The following ZMAT4 variants were observed in gnomAD, a reference collection of about 807,000 sequenced individuals.
ZMAT4 encodes zinc finger matrin-type protein 4.
ZMAT4 carries 17 observed loss-of-function variants against 28.7 expected under a neutral mutation model. The observed-to-expected ratio is 0.59, with a 90% CI of 0.41 to 0.89. ZMAT4 has a LOEUF of 0.89. ZMAT4 is among the 40% of genes least tolerant of loss of function. The pLI is 0.00. For missense variants in ZMAT4, 240 were observed against 283.8 expected (o/e 0.85, Z 1.11); for synonymous variants, 117 against 109.2 (o/e 1.07, Z -0.44).
intron 5 of ZMAT4, among the ~76,000 whole-genome samples, chr8:40,654,740 T>C (rs560758476): frequency 6.6e-6 from 1 of 152,284 alleles, no homozygotes; most frequent in East Asian, 1.9e-4. Context: ...AAAAGGCATT[T>C]GACACAGCAC....
At chr8:40,824,080 G>A (rs1183494747) in intron 2 of ZMAT4, among the ~76,000 whole-genome samples, 1 of 152,152 alleles carries the variant, frequency 6.6e-6, no homozygotes, top group Admixed American at 6.5e-5. Context: ...GTGCGTATGT[G>A]TGTGTGTTAT....
chr8:40,872,678 C>T (rs1031914601), intron 1 of ZMAT4, among the ~76,000 whole-genome samples: 13 of 152,018 alleles, frequency 8.6e-5, no homozygotes, highest in South Asian at 4.2e-4. Context: ...AGATAATGCC[C>T]GAAGTAAGCT....
chr8:40,886,767 T>A (rs572702010), intron 1 of ZMAT4, among the ~76,000 whole-genome samples: 7 of 152,284 alleles, frequency 4.6e-5, no homozygotes, highest in African/African-American at 1.7e-4. Context: ...TTTCTTGATG[T>A]CTCATAACTT....
intron 5 of ZMAT4, among the ~76,000 whole-genome samples, chr8:40,636,424 C>T (rs1015951286): frequency 1.4e-4 from 21 of 152,178 alleles, no homozygotes; most frequent in Admixed American, 2.0e-4. Context: ...TTAGCCAGTG[C>T]TCAATTTATT....
chr8:40,759,980 A>T (rs1586007635), intron 3 of ZMAT4, among the ~76,000 whole-genome samples: 1 of 152,186 alleles, frequency 6.6e-6, no homozygotes, highest in East Asian at 1.9e-4. Context: ...AAATCTGGAC[A>T]AAATGCCCAC....
intron 2 of ZMAT4, among the ~76,000 whole-genome samples, chr8:40,788,675 A>T (rs149781455): frequency 2.6e-5 from 4 of 152,076 alleles, no homozygotes; most frequent in African/African-American, 9.6e-5. Context: ...CCAATTGTAC[A>T]CCAACTCTTC....
intron 1 of ZMAT4, among the ~76,000 whole-genome samples, chr8:40,862,369 A>G (rs1817525362): frequency 7.4e-6 from 1 of 135,484 alleles, no homozygotes; most frequent in South Asian, 2.4e-4. Context: ...GAACTGAACA[A>G]TGAGATCACT....
intron 1 of ZMAT4, among the ~76,000 whole-genome samples, chr8:40,877,523 A>C (rs1586208638): frequency 6.6e-6 from 1 of 152,336 alleles, no homozygotes; most frequent in South Asian, 2.1e-4. Context: ...ATGCCTGGAC[A>C]TAGTACGTAC....
chr8:40,601,494 A>AAAGAAAGAAAGAAAGAAAGC lies in ZMAT4; in HGVS notation c.578-20234_578-20233insGCTTTCTTTCTTTCTTTCTT, dbSNP rs1220602089. 2.6e-4 allele frequency among the ~76,000 whole-genome samples: 21 copies of AAAGAAAGAAAGAAAGAAAGC among 82,224 alleles called. 1 individual carries two copies. Among genetic ancestry groups the AAAGAAAGAAAGAAAGAAAGC allele is most frequent in the Non-Finnish European group, 6.8e-4 (20 of 29,298 alleles). 53.9% of individuals were successfully genotyped at this position (82,224 alleles called of 152,430 possible). A position where few individuals can be genotyped will look rare whatever the true frequency, so the allele number is the denominator to read the frequency against. Reference sequence around the variant, plus strand: ...GAAAGAAAGAAAGAAAGAAAGAAAGAGAGAAAGAAAGAAAGAGAAAGAGAA... The same window carrying AAAGAAAGAAAGAAAGAAAGC: ...GAAAGAAAGAAAGAAAGAAAGAAAGAAAGAAAGAAAGAAAGAAAGCGAGAAAGAAAGAAAGAGAAAGAGAA... On this transcript the variant is annotated intron_variant, in intron 5 of 6. Transcript: ENST00000297737.
At chr8:40,746,966 C>T (rs928160513) in intron 3 of ZMAT4, among the ~76,000 whole-genome samples, 6 of 152,242 alleles carry the variant, frequency 3.9e-5, no homozygotes, top group East Asian at 1.9e-4. Context: ...TCCCTCATTC[C>T]GAGGCTGGTG....
intron 5 of ZMAT4, among the ~76,000 whole-genome samples, chr8:40,671,693 T>C (rs908015805): frequency 5.3e-5 from 8 of 152,314 alleles, no homozygotes; most frequent in African/African-American, 1.9e-4. Context: ...AATTTTCCCA[T>C]GATGGAAAAG....
chr8:40,718,616 G>A (rs1466935170), intron 3 of ZMAT4, among the ~76,000 whole-genome samples: 1 of 152,136 alleles, frequency 6.6e-6, no homozygotes, highest in East Asian at 1.9e-4. Flanking sequence ...ATTCTCTGGA[G>A]AACAGCTACT....
At chr8:40,547,285 G>A (rs990259314) in intron 6 of ZMAT4, among the ~76,000 whole-genome samples, 1 of 152,278 alleles carries the variant, frequency 6.6e-6, no homozygotes, top group Middle Eastern at 3.4e-3. Flanking sequence ...TTTGTTGATG[G>A]TGTTTGTTTC....
chr8:40,557,710 A>G (rs561400054), intron 6 of ZMAT4, among the ~76,000 whole-genome samples: 3 of 152,212 alleles, frequency 2.0e-5, no homozygotes, highest in Non-Finnish European at 4.4e-5. Flanking sequence ...TCTTCCCAAC[A>G]TTAGAGTGCA....
chr8:40,680,701 TACACACACAC>T (rs71224844), intron 4 of ZMAT4, among the ~76,000 whole-genome samples: 2 of 86,834 alleles, frequency 2.3e-5, no homozygotes, highest in Admixed American at 2.4e-4. Flanking sequence ...ATGTCTAATG[TACACACACAC>T]ACACACACAC....
intron 5 of ZMAT4, among the ~76,000 whole-genome samples, chr8:40,634,117 G>A (rs542624777): frequency 7.9e-5 from 12 of 152,226 alleles, no homozygotes; most frequent in African/African-American, 2.6e-4. Context: ...GAAAAGTAAA[G>A]GGGCAAAAAC....
At chr8:40,869,256 C>T (rs914156798) in intron 1 of ZMAT4, among the ~76,000 whole-genome samples, 5 of 152,176 alleles carry the variant, frequency 3.3e-5, no homozygotes, top group Non-Finnish European at 7.3e-5. Context: ...TACACCACCT[C>T]GAGTCTGCAT....
chr8:40,563,302 T>G (rs1348954745), intron 6 of ZMAT4, among the ~76,000 whole-genome samples: 1 of 152,200 alleles, frequency 6.6e-6, no homozygotes, highest in Non-Finnish European at 1.5e-5. Context: ...CTCAAATATA[T>G]TAGCATTTAA....
At chr8:40,729,990 A>T (rs1563441494) in intron 3 of ZMAT4, among the ~76,000 whole-genome samples, 3 of 152,238 alleles carry the variant, frequency 2.0e-5, no homozygotes, top group Admixed American at 1.3e-4. Flanking sequence ...AGTAACCATA[A>T]TTATGTTTAA....
Sources: gnomAD v4.1 joint callset for allele counts (sites outside exome capture counted in the v4.1 genomes callset) on GRCh38, gnomAD v4.1.1 for gene constraint, MANE v1.5 for transcripts, NCBI Gene and HGNC (gene_info 2026-07-23, HGNC 2026-07-21) for gene names.